MTHFD1L: variants seen among roughly 807,000 people sequenced by gnomAD.
The protein encoded by MTHFD1L is monofunctional C1-tetrahydrofolate synthase, mitochondrial.
In MTHFD1L, 81 loss-of-function variants were observed where a neutral mutation model predicts 119.5. The ratio of observed to expected loss-of-function variants is 0.68; its 90% CI spans 0.57 to 0.82. The LOEUF is 0.82. MTHFD1L is among the 40% of genes least tolerant of loss of function. MTHFD1L has a pLI of 0.00. For missense variants in MTHFD1L, 1,125 were observed against 1,253.4 expected (o/e 0.90, Z 1.55); for synonymous variants, 430 against 475.2 (o/e 0.90, Z 1.24).
intron 27 of MTHFD1L, among the ~76,000 whole-genome samples, chr6:151,100,700 A>G (rs1392921436): frequency 6.6e-6 from 1 of 151,652 alleles, no homozygotes; most frequent in African/African-American, 2.4e-5. Flanking sequence ...AGGATTCAAG[A>G]ATGGCAATGA....
intron 26 of MTHFD1L, among the ~76,000 whole-genome samples, chr6:151,075,136 T>C (rs1166536727): frequency 6.6e-6 from 1 of 151,940 alleles, no homozygotes; most frequent in African/African-American, 2.4e-5. Flanking sequence ...AGCAAAATAG[T>C]AGATTTAAAC....
At chr6:151,015,793 TAGA>T (rs1316439059) in intron 24 of MTHFD1L, 100 bp downstream of exon 24, 3 of 1,391,710 alleles carry the variant, frequency 2.2e-6, no homozygotes, top group Non-Finnish European at 2.9e-6. Context: ...AAACTAAAGA[TAGA>T]AGAGTTTAGG....
intron 9 of MTHFD1L, among the ~76,000 whole-genome samples, chr6:150,920,858 C>T (rs891849798): frequency 2.0e-5 from 3 of 151,962 alleles, no homozygotes; most frequent in African/African-American, 4.8e-5. Context: ...CTGCAGCCTC[C>T]ACCTCCCAGG....
At position 150,917,661 on chromosome 6, in the gene MTHFD1L, T is replaced by A. The variant is rs150968519; in HGVS notation, c.893-916T>A. On this transcript the variant is annotated intron_variant, in intron 8 of 27. Coordinates refer to ENST00000367321, the MANE Select transcript of MTHFD1L (RefSeq NM_015440.5). ...TTACTTTCATGTTAATAGTTTAAAC[T>A]ACATACTATATGCCAAGAACTTTAT... Among the ~76,000 whole-genome samples, 17 of 152,340 alleles carry A rather than the reference T, an allele frequency of 1.1e-4. No homozygotes were observed. In the East Asian group the frequency reaches 2.9e-3, roughly 26 times the overall value.
intron 1 of MTHFD1L, among the ~76,000 whole-genome samples, chr6:150,872,300 C>T (rs776276833): frequency 5.9e-5 from 9 of 152,120 alleles, no homozygotes; most frequent in Non-Finnish European, 1.2e-4. Context: ...AGCTTTTGAC[C>T]TATCTTGGCT....
In MTHFD1L at chr6:151,002,669, C is replaced by T. The variant is rs115754386; in HGVS notation, c.2126-7150C>T. On this transcript the variant is annotated intron_variant, in intron 20 of 27. Coordinates refer to ENST00000367321, the MANE Select transcript of MTHFD1L (RefSeq NM_015440.5). ...CGCAACACATCCCAACCACGCTGGA[C>T]GGAATTTTTACTGCGATAATTCATA... Among the ~76,000 whole-genome samples, 837 of 152,308 alleles carry T rather than the reference C, an allele frequency of 5.5e-3. 6 individuals carry two copies. The highest frequency in any genetic ancestry group is 0.018 in the African/African-American group (749 of 41,568).
At chr6:150,931,663 G>A (rs1791065062) in intron 11 of MTHFD1L, among the ~76,000 whole-genome samples, 1 of 152,206 alleles carries the variant, frequency 6.6e-6, no homozygotes, top group Admixed American at 6.5e-5. Flanking sequence ...AGTGCATGGT[G>A]AGGCCCATGG....
At chr6:150,990,041 G>T (rs567577342) in intron 20 of MTHFD1L, among the ~76,000 whole-genome samples, 1 of 152,310 alleles carries the variant, frequency 6.6e-6, no homozygotes, top group East Asian at 1.9e-4. Context: ...CACTTTGGGA[G>T]GCCAAGGTGG....
intron 18 of MTHFD1L, among the ~76,000 whole-genome samples, chr6:150,963,487 G>C (rs56944770): frequency 0.2 from 28,933 of 146,652 alleles, 3,499 homozygotes; most frequent in African/African-American, 0.34. Context: ...AATACATACA[G>C]TTTTATCTGT....
chr6:150,948,290 A>C (rs993573975), intron 15 of MTHFD1L, among the ~76,000 whole-genome samples: 2 of 151,214 alleles, frequency 1.3e-5, no homozygotes, highest in South Asian at 4.2e-4. Flanking sequence ...TACAGGCGTG[A>C]GCCACCACGC....
At chr6:151,054,756 T>C (rs1584342516) in intron 26 of MTHFD1L, 1 of 152,156 alleles carries the variant, frequency 6.6e-6, no homozygotes, top group Non-Finnish European at 1.5e-5. Flanking sequence ...AAGCTAAAGA[T>C]AGTAATGCCT....
intron 26 of MTHFD1L, among the ~76,000 whole-genome samples, chr6:151,053,180 C>A (rs1186055305): frequency 6.6e-6 from 1 of 152,190 alleles, no homozygotes; most frequent in Non-Finnish European, 1.5e-5. Context: ...TGAGAATCCT[C>A]CACTTTCAAC....
chr6:151,101,303 C>T (rs1365871874), intron 27 of MTHFD1L, among the ~76,000 whole-genome samples: 1 of 152,176 alleles, frequency 6.6e-6, no homozygotes. Context: ...TGCTGCATGG[C>T]GTAGCTGTGC....
intron 7 of MTHFD1L, among the ~76,000 whole-genome samples, chr6:150,893,101 G>T (rs1347279014): frequency 1.3e-5 from 2 of 152,144 alleles, no homozygotes; most frequent in African/African-American, 4.8e-5. Flanking sequence ...GGCTCACTCT[G>T]TTACCCAGGC....
At chr6:150,937,103 C>T (rs572875496) in intron 12 of MTHFD1L, among the ~76,000 whole-genome samples, 163 bp downstream of exon 12, 13 of 152,302 alleles carry the variant, frequency 8.5e-5, no homozygotes, top group African/African-American at 2.9e-4. Context: ...TTGGTTCCCC[C>T]GGGCATGAAA....
chr6:151,093,868 C>G (rs1794668808), intron 27 of MTHFD1L, among the ~76,000 whole-genome samples: 1 of 152,148 alleles, frequency 6.6e-6, no homozygotes, highest in South Asian at 2.1e-4. Context: ...AAGTAGGCCA[C>G]TTGATGACTT....
intron 1 of MTHFD1L, among the ~76,000 whole-genome samples, chr6:150,871,355 C>G (rs1369415848): frequency 1.3e-4 from 19 of 149,728 alleles, no homozygotes; most frequent in Non-Finnish European, 1.6e-4. Flanking sequence ...TCTTCCTTTC[C>G]TGGAAGATTT....
Position 151,012,019 on chromosome 6 carries a change from CAAAAAAAAAA to C in MTHFD1L, c.2266-1737_2266-1728del, listed in dbSNP as rs1043831602. On this transcript the variant is annotated intron_variant, in intron 21 of 27. Coordinates refer to ENST00000367321, the MANE Select transcript of MTHFD1L (RefSeq NM_015440.5). The stretch of plus-strand genomic sequence containing the variant: ...TCCATCTCAACAACAACAACAACAA[CAAAAAAAAAA>C]AAAAAAAAAAAAAAAAAAAAAACCA... Among the ~76,000 whole-genome samples, 34 of 58,822 alleles carry C rather than the reference CAAAAAAAAAA, an allele frequency of 5.8e-4. 1 individual carries two copies. Among genetic ancestry groups the C allele is most frequent in the African/African-American group, 8.6e-4 (15 of 17,374 alleles). The allele number at this position is 58,822 out of a possible 152,430, so 38.6% of individuals were successfully genotyped here.
At chr6:151,016,778 T>A in intron 24 of MTHFD1L, 1 of 281,034 alleles carries the variant, frequency 3.6e-6, no homozygotes, top group Non-Finnish European at 6.8e-6. Context: ...CTTTTTTTTT[T>A]TTTTTTTTTT....
Sources: allele counts gnomAD v4.1 joint callset (sites outside exome capture counted in the v4.1 genomes callset), GRCh38; gene constraint gnomAD v4.1.1; transcripts MANE v1.5; gene names NCBI Gene and HGNC (gene_info 2026-07-23, HGNC 2026-07-21).